PALLD: variants seen among roughly 807,000 people sequenced by gnomAD.
PALLD encodes palladin.
PALLD carries 61 observed loss-of-function variants against 123.5 expected under a neutral mutation model. That is an observed-to-expected ratio of 0.49 (90% CI 0.40 to 0.61). The LOEUF (loss-of-function observed/expected upper bound fraction) is 0.61, where lower values mean the gene tolerates loss of function less well. Among genes scored for constraint, PALLD ranks in the 20% least tolerant of loss-of-function variants. PALLD has a pLI of 0.00. For missense variants in PALLD, 1,273 were observed against 1,377.0 expected (o/e 0.92, Z 1.20); for synonymous variants, 465 against 496.4 (o/e 0.94, Z 0.84).
intron 10 of PALLD, among the ~76,000 whole-genome samples, chr4:168,822,479 G>A (rs1018880314): frequency 1.1e-4 from 17 of 152,292 alleles, no homozygotes; most frequent in African/African-American, 3.4e-4. Flanking sequence ...GGAAGTGTCC[G>A]GAGCTGAATG....
intron 10 of PALLD, among the ~76,000 whole-genome samples, chr4:168,749,465 G>T (rs1193200653): frequency 6.6e-6 from 1 of 151,276 alleles, no homozygotes; most frequent in South Asian, 2.1e-4. Context: ...TCAACACTTT[G>T]GGAGGCCGAG....
At chr4:168,563,583 GAATGT>G (rs1768073395) in intron 2 of PALLD, among the ~76,000 whole-genome samples, 1 of 152,152 alleles carries the variant, frequency 6.6e-6, no homozygotes, top group Non-Finnish European at 1.5e-5. Flanking sequence ...TCTTTTAAAT[GAATGT>G]AGATTTTCAA....
At position 168,580,544 on chromosome 4, in the gene PALLD, C is replaced by A. The variant is rs765931041; in HGVS notation, c.908+68132C>A. Among the ~76,000 whole-genome samples, 112 of 152,088 alleles carry A rather than the reference C, an allele frequency of 7.4e-4. 1 individual carries two copies. In the Middle Eastern group the frequency reaches 0.01, roughly 14 times the overall value. ...CTGGTGAGAGTATAAATTACTTCAA[C>A]CATTGTGGAAAGCAGTATGGAAATT... On this transcript the variant is annotated intron_variant, in intron 2 of 21. Transcript: ENST00000505667.
chr4:168,631,599 C>A (rs893142365), intron 2 of PALLD: 1 of 985,540 alleles, frequency 1.0e-6, no homozygotes. Context: ...ACACGCGCCC[C>A]TCGGCGAGAC....
intron 2 of PALLD, among the ~76,000 whole-genome samples, chr4:168,585,281 C>T (rs960355996): frequency 5.5e-5 from 8 of 146,292 alleles, no homozygotes; most frequent in African/African-American, 2.0e-4. Flanking sequence ...TGTGTGTGAC[C>T]ATGAGAATAT....
chr4:168,719,326 C>T (rs1433122132), intron 10 of PALLD, among the ~76,000 whole-genome samples: 2 of 139,306 alleles, frequency 1.4e-5, no homozygotes, highest in Non-Finnish European at 3.0e-5. Context: ...GACACAATCT[C>T]GGCTCACTGC....
chr4:168,843,108 C>A (rs1746288990), intron 10 of PALLD, among the ~76,000 whole-genome samples: 1 of 152,126 alleles, frequency 6.6e-6, no homozygotes, highest in South Asian at 2.1e-4. Context: ...GAAAGGAATT[C>A]TAAATGCAGG....
intron 10 of PALLD, among the ~76,000 whole-genome samples, chr4:168,832,328 G>T (rs2150859356): frequency 6.6e-6 from 1 of 152,320 alleles, no homozygotes; most frequent in South Asian, 2.1e-4. Flanking sequence ...CCACCCGGCC[G>T]GTTCCTTCCC....
intron 2 of PALLD, among the ~76,000 whole-genome samples, chr4:168,593,626 C>T (rs955726402): frequency 3.9e-5 from 6 of 152,052 alleles, no homozygotes; most frequent in Admixed American, 1.3e-4. Flanking sequence ...AATTGGTCAT[C>T]CACAGATAAT....
At chr4:168,687,480 A>C (rs1234216677) in intron 6 of PALLD, among the ~76,000 whole-genome samples, 1 of 152,236 alleles carries the variant, frequency 6.6e-6, no homozygotes, top group Non-Finnish European at 1.5e-5. Flanking sequence ...ATCACCAGAA[A>C]GGGTGTGTTG....
intron 10 of PALLD, among the ~76,000 whole-genome samples, chr4:168,770,041 A>T (rs778846044): frequency 3.3e-5 from 5 of 152,172 alleles, no homozygotes; most frequent in Non-Finnish European, 4.4e-5. Context: ...TCTCTGTAGG[A>T]GACAGAGGCT....
At chr4:168,909,824 A>G (rs1582098612) in intron 15 of PALLD, among the ~76,000 whole-genome samples, 1 of 152,200 alleles carries the variant, frequency 6.6e-6, no homozygotes. Context: ...TATTATGCAC[A>G]TGGAAGGCAT....
At chr4:168,690,321 G>A (rs1782498212) in intron 6 of PALLD, among the ~76,000 whole-genome samples, 3 of 152,136 alleles carry the variant, frequency 2.0e-5, no homozygotes, top group Admixed American at 1.3e-4. Flanking sequence ...CATAAATGCA[G>A]AGCAGTCAGT....
intron 10 of PALLD, among the ~76,000 whole-genome samples, chr4:168,883,337 C>T (rs1018904422): frequency 6.6e-6 from 1 of 152,126 alleles, no homozygotes; most frequent in African/African-American, 2.4e-5. Flanking sequence ...TAATACATTA[C>T]ATTCTTGAAT....
At chr4:168,723,029 A>T (rs1786176939) in intron 10 of PALLD, among the ~76,000 whole-genome samples, 2 of 152,168 alleles carry the variant, frequency 1.3e-5, no homozygotes, top group African/African-American at 2.4e-5. Flanking sequence ...AAAAACTTAA[A>T]CTCTTTCCAA....
At chr4:168,517,416 A>G (rs1763091197) in intron 2 of PALLD, among the ~76,000 whole-genome samples, 1 of 152,178 alleles carries the variant, frequency 6.6e-6, no homozygotes, top group African/African-American at 2.4e-5. Flanking sequence ...GTAAAGTTTT[A>G]TTTACTATAT....
chr4:168,656,680 AAT>A (rs1464096539), intron 2 of PALLD, among the ~76,000 whole-genome samples: 4 of 152,230 alleles, frequency 2.6e-5, no homozygotes. Context: ...CGGCTTGGGC[AAT>A]ATATGTTTAC....
At chr4:168,570,361 G>T (rs17541524) in intron 2 of PALLD, among the ~76,000 whole-genome samples, 22,481 of 152,150 alleles carry the variant, frequency 0.15, 1,946 homozygotes, top group East Asian at 0.27. Flanking sequence ...CCTAGAAGTG[G>T]CATGCTTTCT....
chr4:168,659,808 G>A (rs1291810163), intron 2 of PALLD, among the ~76,000 whole-genome samples: 2 of 152,134 alleles, frequency 1.3e-5, no homozygotes, highest in Non-Finnish European at 2.9e-5. Flanking sequence ...TTCATGATAC[G>A]TAGTTGTGGT....
Sources: gnomAD v4.1 joint callset for allele counts (sites outside exome capture counted in the v4.1 genomes callset) on GRCh38, gnomAD v4.1.1 for gene constraint, MANE v1.5 for transcripts, NCBI Gene and HGNC (gene_info 2026-07-23, HGNC 2026-07-21) for gene names.